CNTNAP5: variants seen among roughly 807,000 people sequenced by gnomAD.
The protein encoded by CNTNAP5 is contactin-associated protein-like 5.
Under a neutral mutation model 150.2 loss-of-function variants are expected in CNTNAP5, and 72 were observed. That is an observed-to-expected ratio of 0.48 (90% CI 0.40 to 0.58). The LOEUF is 0.58. Ranked by LOEUF, CNTNAP5 falls within the 20% of genes least tolerant of loss-of-function variation. CNTNAP5 has a pLI of 0.00. For synonymous variants in CNTNAP5, 672 were observed against 619.8 expected (o/e 1.08, Z -1.25); for missense variants, 1,636 against 1,626.2 (o/e 1.01, Z -0.10).
At chr2:124,830,246 A>G (rs974219167) in intron 19 of CNTNAP5, among the ~76,000 whole-genome samples, 1 of 152,050 alleles carries the variant, frequency 6.6e-6, no homozygotes, top group African/African-American at 2.4e-5. Flanking sequence ...ACAGATTCAC[A>G]GATTATTATA....
Position 124,236,151 on chromosome 2 carries a change from A to G in CNTNAP5, c.188-6049A>G, listed in dbSNP as rs1171513814. Among the ~76,000 whole-genome samples the G allele has an allele frequency of 2.0e-5, 3 of 152,130 alleles. No homozygotes were observed. In the East Asian group the frequency reaches 5.8e-4, roughly 30 times the overall value. ...CTGTTAATTTTTGTATTTTGAGTAG[A>G]GACGGGGTTTCACCATGTTGGCCAC... is the stretch of plus-strand genomic sequence containing the variant. On this transcript the variant is annotated intron_variant, in intron 2 of 23. Transcript: ENST00000682447.
intron 8 of CNTNAP5, among the ~76,000 whole-genome samples, chr2:124,510,311 A>ATATCTATATATCTATATATATATC (rs1694541524): frequency 8.3e-6 from 1 of 119,880 alleles, no homozygotes; most frequent in Non-Finnish European, 1.7e-5. Flanking sequence ...CTATATATAT[A>ATATCTATATATCTATATATATATC]TCTATATATC....
chr2:124,363,639 T>A (rs1407700105), intron 3 of CNTNAP5, among the ~76,000 whole-genome samples: 1 of 152,224 alleles, frequency 6.6e-6, no homozygotes, highest in Non-Finnish European at 1.5e-5. Flanking sequence ...ATAGTTCCTA[T>A]ATCTAATAAT....
intron 12 of CNTNAP5, among the ~76,000 whole-genome samples, chr2:124,638,239 G>GATACATATATATGATACATATATATGA (rs1558715156): frequency 6.8e-6 from 1 of 147,306 alleles, no homozygotes; most frequent in Non-Finnish European, 1.5e-5. Flanking sequence ...ACATATATAT[G>GATACATATATATGATACATATATATGA]TAACTTCTCT....
At chr2:124,867,853 G>A (rs1228656521) in intron 20 of CNTNAP5, among the ~76,000 whole-genome samples, 1 of 152,138 alleles carries the variant, frequency 6.6e-6, no homozygotes, top group African/African-American at 2.4e-5. Flanking sequence ...ATATCTATAT[G>A]AATATCCGTT....
At chr2:124,353,379 T>C (rs1344847276) in intron 3 of CNTNAP5, among the ~76,000 whole-genome samples, 1 of 151,570 alleles carries the variant, frequency 6.6e-6, no homozygotes, top group Admixed American at 6.6e-5. Flanking sequence ...ACTGGAGATT[T>C]TTTTTCTTTG....
intron 2 of CNTNAP5, among the ~76,000 whole-genome samples, chr2:124,235,421 G>A (rs555205331): frequency 7.9e-5 from 12 of 152,040 alleles, no homozygotes; most frequent in South Asian, 2.1e-4. Context: ...TTCTCCTCTC[G>A]GTGTTTCTCT....
intron 1 of CNTNAP5, among the ~76,000 whole-genome samples, chr2:124,199,234 G>A (rs1685660068): frequency 6.6e-6 from 1 of 151,894 alleles, no homozygotes; most frequent in Admixed American, 6.6e-5. Context: ...TCTGAGATGG[G>A]GTGTGGATTG....
At chr2:124,436,112 C>T (rs1446082850) in intron 5 of CNTNAP5, among the ~76,000 whole-genome samples, 1 of 152,180 alleles carries the variant, frequency 6.6e-6, no homozygotes, top group South Asian at 2.1e-4. Flanking sequence ...GAAGTTGAAC[C>T]TCCCAGTTAC....
intron 11 of CNTNAP5, among the ~76,000 whole-genome samples, chr2:124,597,790 G>T (rs935098736): frequency 6.6e-6 from 1 of 151,638 alleles, no homozygotes; most frequent in Non-Finnish European, 1.5e-5. Context: ...CCAATCAGAC[G>T]TAGATTTGGT....
chr2:124,907,772 A>G (rs1479084700), intron 22 of CNTNAP5, among the ~76,000 whole-genome samples: 1 of 151,118 alleles, frequency 6.6e-6, no homozygotes, highest in African/African-American at 2.4e-5. Flanking sequence ...CCCAAGGGTT[A>G]CTTTGCCGAA....
At chr2:124,569,895 G>T (rs1696113532) in intron 11 of CNTNAP5, among the ~76,000 whole-genome samples, 1 of 152,272 alleles carries the variant, frequency 6.6e-6, no homozygotes, top group East Asian at 1.9e-4. Context: ...GTAGGTAAAT[G>T]GTCCTTTGAC....
intron 1 of CNTNAP5, among the ~76,000 whole-genome samples, chr2:124,157,450 T>C (rs969235420): frequency 1.8e-4 from 28 of 152,316 alleles, no homozygotes; most frequent in African/African-American, 6.0e-4. Flanking sequence ...CTTTGACTTT[T>C]CGGTTTCCTA....
chr2:124,303,389 G>A (rs940113096), intron 3 of CNTNAP5, among the ~76,000 whole-genome samples: 1 of 152,152 alleles, frequency 6.6e-6, no homozygotes, highest in African/African-American at 2.4e-5. Flanking sequence ...GCAAACTTGT[G>A]CAAATGTATA....
At chr2:124,729,821 A>G (rs1204571540) in intron 13 of CNTNAP5, among the ~76,000 whole-genome samples, 1 of 152,100 alleles carries the variant, frequency 6.6e-6, no homozygotes, top group Admixed American at 6.6e-5. Context: ...GAATTACACT[A>G]TCCAAAAAAC....
intron 3 of CNTNAP5, among the ~76,000 whole-genome samples, chr2:124,312,805 C>T (rs1300775525): frequency 1.3e-5 from 2 of 152,174 alleles, no homozygotes; most frequent in African/African-American, 2.4e-5. Flanking sequence ...CTCCTGACCT[C>T]GTGATCCACC....
At chr2:124,028,269 T>G (rs1252009299) in intron 1 of CNTNAP5, among the ~76,000 whole-genome samples, 1 of 150,502 alleles carries the variant, frequency 6.6e-6, no homozygotes, top group Non-Finnish European at 1.5e-5. Context: ...TATAATAATA[T>G]GTTGTTGGTG....
intron 1 of CNTNAP5, among the ~76,000 whole-genome samples, chr2:124,100,024 T>G (rs1455550176): frequency 1.3e-5 from 2 of 152,172 alleles, no homozygotes; most frequent in African/African-American, 4.8e-5. Flanking sequence ...TGCATTGCTA[T>G]AAAGAAATAA....
At chr2:124,396,777 A>C (rs553594549) in intron 3 of CNTNAP5, among the ~76,000 whole-genome samples, 416 of 152,318 alleles carry the variant, frequency 2.7e-3, no homozygotes, top group Non-Finnish European at 4.6e-3. Flanking sequence ...TCTATATATG[A>C]ATTCAATACC....
Sources: gnomAD v4.1 joint callset for allele counts (sites outside exome capture counted in the v4.1 genomes callset) on GRCh38, gnomAD v4.1.1 for gene constraint, MANE v1.5 for transcripts, NCBI Gene and HGNC (gene_info 2026-07-23, HGNC 2026-07-21) for gene names.